Variants in ACTR3C observed in about 807,000 individuals in gnomAD.
ACTR3C encodes actin related protein 3C.
ACTR3C carries 18 observed loss-of-function variants against 26.3 expected under a neutral mutation model. The observed-to-expected ratio is 0.68, with a 90% confidence interval of 0.47 to 1.01. The LOEUF (loss-of-function observed/expected upper bound fraction) is 1.01. Ranked by LOEUF, ACTR3C falls within the 50% of genes least tolerant of loss-of-function variation. ACTR3C has a pLI of 0.00. For synonymous variants in ACTR3C, 55 were observed against 94.5 expected (o/e 0.58, Z 2.42); for missense variants, 184 against 250.7 (o/e 0.73, Z 1.80).
the ACTR3C span, among the ~76,000 whole-genome samples, chr7:150,049,358 A>C: frequency 6.6e-6 from 1 of 151,818 alleles, no homozygotes; most frequent in Non-Finnish European, 1.5e-5. Flanking sequence ...GACCTATCAC[A>C]TCCAGAGAGC....
At chr7:150,223,639 T>C in the ACTR3C span, among the ~76,000 whole-genome samples, 1 of 151,950 alleles carries the variant, frequency 6.6e-6, no homozygotes, top group African/African-American at 2.4e-5. Flanking sequence ...TAAGTCCAGA[T>C]GTTCCTGAAC....
intron 1 of ACTR3C, chr7:150,302,918 C>T (rs1227152408): frequency 3.9e-5 from 6 of 152,256 alleles, no homozygotes; most frequent in East Asian, 1.9e-4. Context: ...GGCTCCCTAA[C>T]ATGGGTGACA....
At chr7:149,911,903 A>G in the ACTR3C span, among the ~76,000 whole-genome samples, 3 of 151,852 alleles carry the variant, frequency 2.0e-5, no homozygotes, top group Non-Finnish European at 2.9e-5. Context: ...AAATGGGGAT[A>G]ATAGACTGAG....
chr7:150,175,815 CA>C, the ACTR3C span, among the ~76,000 whole-genome samples: 1,148 of 46,278 alleles, frequency 0.025, 21 homozygotes, highest in African/African-American at 0.094. Context: ...TCCATCTGAA[CA>C]AAAAAAAAAA....
chr7:150,042,501 G>GA, the ACTR3C span, among the ~76,000 whole-genome samples: 1 of 148,264 alleles, frequency 6.7e-6, no homozygotes, highest in African/African-American at 2.5e-5. Context: ...GCCTCGCGGG[G>GA]ATTGCCTCGC....
chr7:150,084,990 G>A, the ACTR3C span, among the ~76,000 whole-genome samples: 1 of 152,100 alleles, frequency 6.6e-6, no homozygotes, highest in East Asian at 1.9e-4. Context: ...CTTGCTGAAT[G>A]GTTAAATGAG....
At chr7:150,195,558 C>G in the ACTR3C span, among the ~76,000 whole-genome samples, 1 of 152,076 alleles carries the variant, frequency 6.6e-6, no homozygotes, top group South Asian at 2.1e-4. Flanking sequence ...TGTGTTGACT[C>G]TTTTCTTTCC....
At chr7:150,179,094 C>T in the ACTR3C span, among the ~76,000 whole-genome samples, 1 of 144,010 alleles carries the variant, frequency 6.9e-6, no homozygotes, top group Non-Finnish European at 1.5e-5. Flanking sequence ...TTCCCAAACC[C>T]GTCTACAAAC....
intron 1 of ACTR3C, chr7:150,322,504 C>G (rs542429945): frequency 2.6e-5 from 4 of 152,362 alleles, no homozygotes; most frequent in African/African-American, 4.8e-5. Context: ...AGCACCATGA[C>G]AGTTTACAGA....
chr7:150,231,424 A>T, the ACTR3C span, among the ~76,000 whole-genome samples: 1 of 150,310 alleles, frequency 6.7e-6, no homozygotes, highest in South Asian at 2.1e-4. Context: ...ATAGAGCCTG[A>T]CCCCTCCCTC....
the ACTR3C span, among the ~76,000 whole-genome samples, chr7:149,884,958 G>C: frequency 6.6e-6 from 1 of 152,330 alleles, no homozygotes; most frequent in East Asian, 1.9e-4. Context: ...CTCGAAGACA[G>C]GATGTCCAAG....
chr7:150,167,176 G>T, the ACTR3C span, among the ~76,000 whole-genome samples: 1 of 150,526 alleles, frequency 6.6e-6, no homozygotes, highest in East Asian at 1.9e-4. Flanking sequence ...TATATTCCCA[G>T]CAGTGGGATT....
At chr7:150,206,536 C>A in the ACTR3C span, among the ~76,000 whole-genome samples, 1 of 152,120 alleles carries the variant, frequency 6.6e-6, no homozygotes, top group Non-Finnish European at 1.5e-5. Context: ...GCCTCAGCCT[C>A]CTGAGTAGCT....
intron 6 of ACTR3C, among the ~76,000 whole-genome samples, chr7:150,265,888 G>A (rs531049974): frequency 5.9e-5 from 9 of 152,100 alleles, no homozygotes; most frequent in Non-Finnish European, 1.0e-4. Context: ...TATACATCAT[G>A]GCCCTTTACT....
chr7:149,939,415 C>T, the ACTR3C span, among the ~76,000 whole-genome samples: 139,561 of 152,196 alleles, frequency 0.92, 64,646 homozygotes, highest in Non-Finnish European at 0.99. Context: ...CAGGGGACTA[C>T]TGTTTTTGTC....
chr7:149,893,119 C>G, the ACTR3C span, among the ~76,000 whole-genome samples: 3 of 152,168 alleles, frequency 2.0e-5, no homozygotes, highest in Admixed American at 2.0e-4. Context: ...CACAAAGATT[C>G]CATTTTCCAT....
the ACTR3C span, among the ~76,000 whole-genome samples, chr7:149,920,753 A>G: frequency 6.8e-6 from 1 of 147,596 alleles, no homozygotes; most frequent in Non-Finnish European, 1.5e-5. Flanking sequence ...GTATTCTTTT[A>G]TCTTTTAGGG....
chr7:150,070,887 C>T, the ACTR3C span, among the ~76,000 whole-genome samples: 9,868 of 150,130 alleles, frequency 0.066, 1,132 homozygotes, highest in African/African-American at 0.23. Context: ...CTCTGCCTCC[C>T]GGGTTCATGC....
chr7:149,937,695 AAG>A, the ACTR3C span, among the ~76,000 whole-genome samples: 1 of 152,104 alleles, frequency 6.6e-6, no homozygotes, highest in Non-Finnish European at 1.5e-5. Context: ...AGGAGAGGCC[AAG>A]AGAGGTGTCA....
Sources: allele counts gnomAD v4.1 joint callset (sites outside exome capture counted in the v4.1 genomes callset), GRCh38; gene constraint gnomAD v4.1.1; transcripts MANE v1.5; gene names NCBI Gene and HGNC (gene_info 2026-07-23, HGNC 2026-07-21).